Variants in RINT1 observed in about 807,000 individuals in gnomAD.
RINT1 encodes the protein RAD50-interacting protein 1.
Under a neutral mutation model 97.7 loss-of-function variants are expected in RINT1, and 75 were observed. That is an observed-to-expected ratio of 0.77 (90% CI 0.64 to 0.93). RINT1 has a LOEUF of 0.93. RINT1 is among the 40% of genes least tolerant of loss of function. The pLI, the probability that RINT1 is intolerant of heterozygous loss-of-function variation, is 0.00. For missense variants in RINT1, 892 were observed against 925.2 expected (o/e 0.96, Z 0.47); for synonymous variants, 303 against 326.3 (o/e 0.93, Z 0.77).
chr7:105,560,794 C>T (rs1791405778), intron 11 of RINT1, among the ~76,000 whole-genome samples: 1 of 151,868 alleles, frequency 6.6e-6, no homozygotes, highest in South Asian at 2.1e-4. Context: ...GATCTTGGCT[C>T]ACGGCAACTT....
intron 3 of RINT1, 189 bp from the exon 4 acceptor site, chr7:105,542,214 AGTCCC>A: frequency 5.4e-6 from 3 of 555,032 alleles, no homozygotes; most frequent in Non-Finnish European, 9.5e-6. Flanking sequence ...GCATATGTGT[AGTCCC>A]AACTACTGGG....
At chr7:105,541,277 AAGGTGTGTGCCACC>A (rs1790446555) in intron 3 of RINT1, among the ~76,000 whole-genome samples, 1 of 150,942 alleles carries the variant, frequency 6.6e-6, no homozygotes, top group East Asian at 2.0e-4. Context: ...CTGGGATTAC[AAGGTGTGTGCCACC>A]AAACCTGGCT....
At position 105,547,915 on chromosome 7, in the gene RINT1, C is replaced by T. The variant is rs113617070; in HGVS notation, c.839+582C>T. ...GCTAATTTTGTATTTTTAGTAGAGA[C>T]GGGGTTTTTCCATGTTGGTCAGGCT... On this transcript the variant is annotated intron_variant, in intron 6 of 14. Transcript: ENST00000257700. Among the ~76,000 whole-genome samples, 936 of 151,264 alleles carry T rather than the reference C, an allele frequency of 6.2e-3. 9 individuals carry two copies. Among genetic ancestry groups the T allele is most frequent in the African/African-American group, 0.022 (899 of 41,178 alleles).
intron 2 of RINT1, among the ~76,000 whole-genome samples, chr7:105,534,375 A>AT (rs1489541750): frequency 5.9e-5 from 9 of 151,724 alleles, no homozygotes; most frequent in Admixed American, 3.3e-4. Context: ...AGTGGGTGTA[A>AT]TTTTTTTTAA....
At position 105,532,234 on chromosome 7, in the gene RINT1, TAGTG is replaced by T; in HGVS notation, c.-77_-74del. ...CAGTCCTACGGCCTCCGAGGCTGGG[TAGTG>T]AGTGTGTCGCTGGCCTTAGCCAGAC... On this transcript the variant is annotated 5_prime_UTR_variant, in exon 1 of 15. Transcript: ENST00000257700. 1.4e-6 allele frequency: 2 copies of T among 1,457,168 alleles called. No homozygotes were observed. Among genetic ancestry groups the T allele is most frequent in the Non-Finnish European group, 1.9e-6 (2 of 1,078,438 alleles). 90.3% of individuals were successfully genotyped at this position (1,457,168 alleles called of 1,614,324 possible).
rs144905970 is a variant in RINT1 at position 105,547,277 on chromosome 7, G to A, written c.783G>A (p.Pro261=). The change falls in exon 6 of 15, where the codon CCG becomes CCA. Residue 261 remains proline (P), a synonymous_variant. Coordinates refer to ENST00000257700, the MANE Select transcript of RINT1 (RefSeq NM_021930.6). The part of the protein sequence containing the change: ...TVGLSRPASA[P]EIYSYLETLF... The stretch of plus-strand genomic sequence containing the variant: ...GCTTAAGTCGACCTGCCAGTGCCCC[G>A]GAGATATACAGTTACCTGGAGACAC... 1.0e-4 allele frequency: 168 copies of A among 1,614,098 alleles called. 1 individual carries two copies. The African/African-American group carries it at 1.6e-3, about 16-fold the overall frequency.
At chr7:105,545,527 TA>T (rs1790629589) in intron 4 of RINT1, among the ~76,000 whole-genome samples, 2 of 141,042 alleles carry the variant, frequency 1.4e-5, no homozygotes, top group East Asian at 1.9e-4. Flanking sequence ...TATATATATA[TA>T]TATTTTTTTT....
chr7:105,548,766 C>T lies in RINT1; in HGVS notation c.996+56C>T, dbSNP rs1790795842. On this transcript the variant is annotated intron_variant, in intron 7 of 14. Transcript: ENST00000257700. ...TTATTGGTAACAAATGTTAGAGTTT[C>T]TATACCTTTGCTGGTTTAAGTTAAA... is the stretch of plus-strand genomic sequence containing the variant. 2.0e-6 allele frequency: 3 copies of T among 1,486,294 alleles called. No homozygotes were observed. The Admixed American group carries it at 6.5e-5, about 32-fold the overall frequency. 92.1% of individuals were successfully genotyped at this position (1,486,294 alleles called of 1,614,324 possible).
intron 11 of RINT1, among the ~76,000 whole-genome samples, chr7:105,559,933 G>C (rs1016395687): frequency 2.0e-5 from 3 of 152,208 alleles, no homozygotes; most frequent in Non-Finnish European, 2.9e-5. Flanking sequence ...CCAGTTGCCA[G>C]ATTGTGCCAA....
chr7:105,551,296 G>A (rs1790914233), intron 9 of RINT1, among the ~76,000 whole-genome samples: 1 of 152,294 alleles, frequency 6.6e-6, no homozygotes, highest in Non-Finnish European at 1.5e-5. Context: ...GCCTCCTGGA[G>A]TGCTGGGATT....
At chr7:105,548,943 A>G (rs1290524250) in intron 7 of RINT1, among the ~76,000 whole-genome samples, 2 of 151,846 alleles carry the variant, frequency 1.3e-5, no homozygotes, top group Non-Finnish European at 2.9e-5. Context: ...CTGAGTTATC[A>G]TTGCAAAACA....
chr7:105,561,520 CTT>C (rs961818788), intron 11 of RINT1, among the ~76,000 whole-genome samples: 2 of 152,042 alleles, frequency 1.3e-5, no homozygotes, highest in Non-Finnish European at 2.9e-5. Context: ...GAGTGAGACT[CTT>C]GTCTCAAAAA....
intron 3 of RINT1, among the ~76,000 whole-genome samples, chr7:105,542,006 G>A (rs1028412392): frequency 2.0e-5 from 3 of 152,072 alleles, no homozygotes; most frequent in African/African-American, 7.2e-5. Context: ...AGCATGTTAT[G>A]TTTGGATTGA....
At chr7:105,562,296 G>A (rs1791474602) in intron 11 of RINT1, among the ~76,000 whole-genome samples, 1 of 152,140 alleles carries the variant, frequency 6.6e-6, no homozygotes, top group African/African-American at 2.4e-5. Flanking sequence ...TTTCACCCAG[G>A]CTGCAGTGCA....
At chr7:105,542,998 C>T (rs1375654463) in intron 4 of RINT1, among the ~76,000 whole-genome samples, 1 of 151,898 alleles carries the variant, frequency 6.6e-6, no homozygotes, top group Non-Finnish European at 1.5e-5. Context: ...CATTCTCCTG[C>T]CTCAGCCTCC....
intron 11 of RINT1, among the ~76,000 whole-genome samples, chr7:105,559,977 T>G (rs1433585036): frequency 6.6e-6 from 1 of 152,128 alleles, no homozygotes; most frequent in African/African-American, 2.4e-5. Context: ...AATTAGGAAT[T>G]TTTCAGTTGT....
At chr7:105,559,403 T>G (rs1791328507) in intron 11 of RINT1, among the ~76,000 whole-genome samples, 1 of 151,770 alleles carries the variant, frequency 6.6e-6, no homozygotes, top group African/African-American at 2.4e-5. Context: ...TAGCCAGGCA[T>G]GGTGGTGGGC....
rs764298491 is a variant in RINT1, at chr7:105,555,159, C to T, written c.1603C>T (p.Arg535Ter). ...AGAGACTAGAGCTTCCCTTGGCTTT[C>T]GATACTGTGCAATTCTTAATGCTGT... ...KEETRASLGF[R>*]YCAILNAVNY... is the part of the protein sequence containing the mutation. The change falls in exon 11 of 15, where the codon CGA (arginine) becomes TGA (stop). Residue 535 changes from arginine (R) to a stop codon, truncating the protein, a stop_gained. Transcript: ENST00000257700. LOFTEE classifies it high-confidence loss of function. 29 of 1,613,868 alleles carry T rather than the reference C, an allele frequency of 1.8e-5. No individual in the cohort carries two copies. The highest frequency in any genetic ancestry group is 3.3e-5 in the South Asian group (3 of 91,076).
Position 105,542,453 on chromosome 7 carries a change from T to G in RINT1, c.319T>G (p.Leu107Val), listed in dbSNP as rs761546100. 10 of 1,613,154 alleles carry G rather than the reference T, an allele frequency of 6.2e-6. No homozygotes were observed. In the African/African-American group the frequency reaches 9.3e-5, roughly 15 times the overall value. Reference protein sequence around the residue: ...SEIPKRIRSALKNAEESKQFL... With the variant: ...SEIPKRIRSAVKNAEESKQFL... ...AATTCCTAAAAGAATTCGAAGTGCCTTAAAAAATGCAGAAGAATCAAAGCA... is the reference window on the plus strand; with the variant it reads ...AATTCCTAAAAGAATTCGAAGTGCCGTAAAAAATGCAGAAGAATCAAAGCA... Residue 107 changes from leucine to valine, a missense_variant, in exon 4 of 15, where the codon TTA becomes GTA. Leu to Val is a conservative substitution (Grantham distance 32, BLOSUM62 1). Transcript: ENST00000257700.
Sources: allele counts gnomAD v4.1 joint callset (sites outside exome capture counted in the v4.1 genomes callset), GRCh38; gene constraint gnomAD v4.1.1; transcripts MANE v1.5; gene names NCBI Gene and HGNC (gene_info 2026-07-23, HGNC 2026-07-21).